The following MCM3 variants were observed in gnomAD, a reference collection of about 807,000 sequenced individuals.
MCM3 encodes DNA replication licensing factor MCM3.
A neutral mutation model predicts 91.3 loss-of-function variants in MCM3; 59 were observed. That is an observed-to-expected ratio of 0.65 (90% confidence interval 0.52 to 0.80). The LOEUF is 0.80. MCM3 is among the 30% of genes least tolerant of loss of function. MCM3 has a pLI of 0.00. For synonymous variants in MCM3, 383 were observed against 379.6 expected, an observed-to-expected ratio of 1.01 and a Z score of -0.10; for missense variants, 919 against 1,035.4, an observed-to-expected ratio of 0.89 and a Z score of 1.54.
At chr6:52,280,183 G>C (rs186266625) in intron 4 of MCM3, among the ~76,000 whole-genome samples, 5 of 152,262 alleles carry the variant, frequency 3.3e-5, no homozygotes, top group African/African-American at 1.2e-4. Context: ...CAGGATAGTG[G>C]TTACCCCTAG....
At position 52,277,388 on chromosome 6, in the gene MCM3, A is replaced by AT. The variant is rs1765670428; in HGVS notation, c.1033+146_1033+147insA. ...CTATAAATCAGGAATTCCAGAGATG[A>AT]CAAAAAAAAAAAAGATTCATTTTAG... On this transcript the variant is annotated intron_variant, in intron 7 of 16. Transcript: ENST00000596288. 3.1e-6 allele frequency: 3 copies of AT among 972,028 alleles called. No homozygotes were observed. In the African/African-American group the frequency reaches 5.4e-5, roughly 18 times the overall value. 60.2% of individuals were successfully genotyped at this position (972,028 alleles called of 1,614,324 possible).
intron 9 of MCM3, among the ~76,000 whole-genome samples, chr6:52,274,885 C>A (rs960257117): frequency 3.3e-5 from 5 of 151,978 alleles, no homozygotes; most frequent in Non-Finnish European, 7.4e-5. Context: ...CTTGTATTTC[C>A]CAATCACTCT....
intron 8 of MCM3, 72 bp downstream of exon 8, chr6:52,276,995 A>C (rs1765627321): frequency 6.5e-7 from 1 of 1,542,214 alleles, no homozygotes; most frequent in African/African-American, 1.4e-5. Flanking sequence ...TTCAGAACAC[A>C]AGCCAGGGCA....
chr6:52,269,295 A>G (rs981878381), intron 12 of MCM3, 69 bp from the exon 13 acceptor site: 6 of 1,506,646 alleles, frequency 4.0e-6, no homozygotes, highest in Non-Finnish European at 5.4e-6. Context: ...TACTGCACAG[A>G]AAGGGAAATG....
chr6:52,273,666 C>A, intron 10 of MCM3, 76 bp downstream of exon 10: 5 of 1,454,152 alleles, frequency 3.4e-6, no homozygotes, highest in Non-Finnish European at 4.7e-6. Context: ...CCTACCACCA[C>A]CTGGGTTGGG....
rs374052716 is a variant in MCM3 at position 52,266,603 on chromosome 6, T to G, written c.2158+8A>C. 261 of 1,612,568 alleles carry G rather than the reference T, an allele frequency of 1.6e-4. No homozygotes were observed. Among genetic ancestry groups the G allele is most frequent in the Non-Finnish European group, 2.1e-4 (251 of 1,178,746 alleles). ...CAACCTCTTTCATCAGTAAGTGGGCTCACTCACCTTGAGGCATTTCCTCCT... is the reference window on the plus strand; with the variant it reads ...CAACCTCTTTCATCAGTAAGTGGGCGCACTCACCTTGAGGCATTTCCTCCT... On this transcript the variant is annotated splice_region_variant and intron_variant, in intron 15 of 16. Coordinates refer to ENST00000596288, the MANE Select transcript of MCM3 (RefSeq NM_002388.6).
chr6:52,274,472 G>T (rs953135173), intron 9 of MCM3, among the ~76,000 whole-genome samples: 1 of 152,030 alleles, frequency 6.6e-6, no homozygotes, highest in African/African-American at 2.4e-5. Context: ...TTGAGCCCAG[G>T]AGTTCGAGAC....
intron 13 of MCM3, 66 bp from the exon 14 acceptor site, chr6:52,268,034 TC>T: frequency 1.2e-6 from 2 of 1,610,998 alleles, no homozygotes; most frequent in Non-Finnish European, 1.7e-6. Context: ...CATCAAGAAC[TC>T]CCAGTCCCTT....
chr6:52,264,701 T>C lies in MCM3; in HGVS notation c.2314A>G (p.Ile772Val), dbSNP rs1581698676. Residue 772 changes from isoleucine (I) to valine (V), a missense_variant, in exon 17 of 17, where the codon ATC becomes GTC. Physicochemically the swap from Ile to Val is conservative, Grantham distance 29. Around this residue, in one of 3 missense-constraint regions of MCM3, gnomAD observed 285 missense variants for 311.4 expected, o/e 0.92. Coordinates refer to ENST00000596288, the MANE Select transcript of MCM3 (RefSeq NM_002388.6). The stretch of plus-strand genomic sequence containing the variant: ...AAGGGCTCTTCGCTGTCCCGGTTGA[T>C]GGATTCTGTGAGGCGATTCATGCCG... ...SIGMNRLTES[I>V]NRDSEEPFSS... 1.2e-6 allele frequency: 2 copies of C among 1,614,194 alleles called. No homozygotes were observed. The highest frequency in any genetic ancestry group is 8.5e-7 in the Non-Finnish European group (1 of 1,180,034).
intron 9 of MCM3, 71 bp downstream of exon 9, chr6:52,276,197 A>G: frequency 7.2e-7 from 1 of 1,398,338 alleles, no homozygotes; most frequent in Non-Finnish European, 9.9e-7. Context: ...CCTAGAATAC[A>G]CTTCTCAGCC....
At position 52,283,841 on chromosome 6, in the gene MCM3, T is replaced by C. The variant is rs79669802; in HGVS notation, c.79-435A>G. Among the ~76,000 whole-genome samples, 212 of 152,346 alleles carry C rather than the reference T, an allele frequency of 1.4e-3. 1 individual carries two copies. The highest frequency in any genetic ancestry group is 4.9e-3 in the African/African-American group (202 of 41,578). On this transcript the variant is annotated intron_variant, in intron 1 of 16. Transcript: ENST00000596288. ...ACTGTAGTAATCATTTCACCATGTA[T>C]ATCAAAACATGTGCACTTCAAATAT...
intron 12 of MCM3, among the ~76,000 whole-genome samples, chr6:52,270,346 GAAAA>G (rs77109652): frequency 7.5e-6 from 1 of 133,554 alleles, no homozygotes; most frequent in East Asian, 2.2e-4. Flanking sequence ...AAAAAAAAAA[GAAAA>G]AAAAAGAAAC....
chr6:52,281,671 G>A (rs1166132912), intron 4 of MCM3, among the ~76,000 whole-genome samples: 1 of 151,310 alleles, frequency 6.6e-6, no homozygotes, highest in Non-Finnish European at 1.5e-5. Flanking sequence ...GACAGATCCC[G>A]TCTCTAAAAA....
At chr6:52,265,592 A>G (rs975618371) in intron 16 of MCM3, among the ~76,000 whole-genome samples, 4 of 151,910 alleles carry the variant, frequency 2.6e-5, no homozygotes, top group African/African-American at 9.7e-5. Flanking sequence ...CAGTAAATAC[A>G]CTGTATTATG....
chr6:52,276,718 T>C (rs1765599781), intron 8 of MCM3, among the ~76,000 whole-genome samples: 1 of 152,184 alleles, frequency 6.6e-6, no homozygotes, highest in Admixed American at 6.5e-5. Flanking sequence ...ACAAATTTCC[T>C]TCATAGATTC....
Position 52,276,467 on chromosome 6 carries a change from C to A in MCM3, c.1175G>T (p.Arg392Leu), listed in dbSNP as rs779714442. 1 of 1,613,950 alleles carries A rather than the reference C, an allele frequency of 6.2e-7. No homozygotes were observed. Among genetic ancestry groups the A allele is most frequent in the Non-Finnish European group, 8.5e-7 (1 of 1,179,988 alleles). ...CAGGACCATGGCCCCTGCTTCCAGA[C>A]GGCGCTCTCCTGGGAAGTGAGAAGG... ...VTTDQETGER[R>L]LEAGAMVLAD... Residue 392 changes from arginine to leucine, a missense_variant, in exon 9 of 17, where the codon CGT (arginine) becomes CTT (leucine). Around this residue, in one of 3 missense-constraint regions of MCM3, gnomAD observed 233 missense variants for 321.2 expected, o/e 0.73. Transcript: ENST00000596288.
intron 12 of MCM3, among the ~76,000 whole-genome samples, chr6:52,269,992 C>G (rs961623036): frequency 6.6e-6 from 1 of 152,184 alleles, no homozygotes; most frequent in East Asian, 1.9e-4. Flanking sequence ...AGGATTTGTC[C>G]ACAGTCCAAA....
intron 2 of MCM3, 65 bp from the exon 3 acceptor site, chr6:52,282,926 C>G (rs1394055843): frequency 8.9e-7 from 1 of 1,127,072 alleles, no homozygotes; most frequent in Admixed American, 2.0e-5. Context: ...ATCCTCAAAA[C>G]AGCAGACATT....
intron 9 of MCM3, among the ~76,000 whole-genome samples, chr6:52,275,368 CCAT>C (rs1446849779): frequency 2.6e-5 from 4 of 152,258 alleles, no homozygotes; most frequent in Admixed American, 2.0e-4. Flanking sequence ...TTTTGTACCT[CCAT>C]TTTCTCATCT....
Sources: allele counts gnomAD v4.1 joint callset (sites outside exome capture counted in the v4.1 genomes callset), GRCh38; gene constraint gnomAD v4.1.1; regional missense constraint gnomAD v4.1.1; transcripts MANE v1.5; gene names NCBI Gene and HGNC (gene_info 2026-07-23, HGNC 2026-07-21).